Variants in EPG5 observed in about 807,000 individuals in gnomAD.
The protein encoded by EPG5 is ectopic P granules protein 5 homolog.
A neutral mutation model predicts 302.7 loss-of-function variants in EPG5; 159 were observed. The ratio of observed to expected loss-of-function variants is 0.53; its 90% CI spans 0.46 to 0.60. The LOEUF is 0.60. Ranked by LOEUF, EPG5 falls within the 20% of genes least tolerant of loss-of-function variation. EPG5 has a pLI of 0.00. For missense variants in EPG5, 2,896 were observed against 3,092.4 expected (o/e 0.94, Z 1.51); for synonymous variants, 1,158 against 1,136.8 (o/e 1.02, Z -0.37).
intron 15 of EPG5, 71 bp downstream of exon 15, chr18:45,923,194 GTCT>G: frequency 6.6e-7 from 1 of 1,518,848 alleles, no homozygotes; most frequent in Non-Finnish European, 9.0e-7. Flanking sequence ...AATAGTATAA[GTCT>G]ATCATCTTTA....
At chr18:45,876,200 T>C (rs1269454214) in intron 35 of EPG5, 36 bp downstream of exon 35, 12 of 1,458,880 alleles carry the variant, frequency 8.2e-6, no homozygotes, top group Non-Finnish European at 1.1e-5. Context: ...TAGGGAAAAA[T>C]GAAAACTAAG....
intron 26 of EPG5, 114 bp downstream of exon 26, chr18:45,900,882 C>A: frequency 8.2e-7 from 1 of 1,224,690 alleles, no homozygotes; most frequent in South Asian, 1.6e-5. Context: ...CCAGGTTGGT[C>A]AAACTATCCT....
intron 22 of EPG5, among the ~76,000 whole-genome samples, chr18:45,911,574 G>C (rs867866261): frequency 2.6e-5 from 4 of 152,024 alleles, no homozygotes; most frequent in African/African-American, 9.7e-5. Flanking sequence ...TTACAGGCGT[G>C]AGCCACCGCG....
intron 1 of EPG5, among the ~76,000 whole-genome samples, chr18:45,959,475 T>C (rs2143855242): frequency 6.6e-6 from 1 of 150,526 alleles, no homozygotes; most frequent in Non-Finnish European, 1.5e-5. Context: ...TGAAACCCCG[T>C]CTCTACTAAA....
the EPG5 span, chr18:45,837,979 C>A: frequency 7.2e-7 from 1 of 1,388,032 alleles, no homozygotes; most frequent in Non-Finnish European, 9.3e-7. Flanking sequence ...GGGTGCCAGG[C>A]GCTGTGCTGA....
chr18:45,866,823 A>C lies in EPG5; in HGVS notation c.6596T>G (p.Ile2199Ser), dbSNP rs770089846. Residue 2199 changes from isoleucine (I) to serine (S), a missense_variant, in exon 38 of 44, where the codon ATT (isoleucine) becomes AGT (serine). Ile to Ser is a moderately radical substitution (Grantham distance 142, BLOSUM62 -2). Around this residue, in one of 5 missense-constraint regions of EPG5, gnomAD observed 620 missense variants for 704.2 expected, o/e 0.88. Coordinates refer to ENST00000282041, the MANE Select transcript of EPG5 (RefSeq NM_020964.3). ...AAGATGCTTCTGGCTGTCAGTAGGA[A>C]TAGAAAGGCCCGCAGACACTTTTAG... ...KLLKVSAGLS[I>S]PTDSQKHLDA... 2 of 1,614,084 alleles carry C rather than the reference A, an allele frequency of 1.2e-6. No individual in the cohort carries two copies. Among genetic ancestry groups the C allele is most frequent in the Non-Finnish European group, 1.7e-6 (2 of 1,179,946 alleles).
chr18:45,813,939 T>G, the EPG5 span, among the ~76,000 whole-genome samples: 297 of 151,898 alleles, frequency 2.0e-3, 1 homozygote, highest in Non-Finnish European at 3.5e-3. Flanking sequence ...AAAAATAAAA[T>G]TATCCAATAA....
At chr18:45,954,111 G>A (rs771948594) in intron 2 of EPG5, 2 of 199,340 alleles carry the variant, frequency 1.0e-5, no homozygotes, top group Non-Finnish European at 1.8e-5. Context: ...TGGCAATGCT[G>A]AACCATCACA....
chr18:45,903,988 T>TAAAA lies in EPG5; in HGVS notation c.4458_4459insTTTT (p.Thr1487PhefsTer3). 6.2e-7 allele frequency: 1 copy of TAAAA among 1,610,116 alleles called. No individual in the cohort carries two copies. Among genetic ancestry groups the TAAAA allele is most frequent in the Non-Finnish European group, 8.5e-7 (1 of 1,179,292 alleles). On this transcript the variant is annotated frameshift_variant, in exon 25 of 44. Transcript: ENST00000282041. LOFTEE classifies it high-confidence loss of function. ...CAGGACCCACCCAGCAAAGGATCAG[T>TAAAA]GAAGTCCAGCTGCACGGACAAACTG...
At chr18:45,930,541 T>G (rs992246038) in intron 12 of EPG5, 135 bp downstream of exon 12, 1 of 597,718 alleles carries the variant, frequency 1.7e-6, no homozygotes, top group Non-Finnish European at 2.8e-6. Context: ...TTCCACTGAT[T>G]CTCTATCCCT....
chr18:45,883,465 T>TC (rs1473249212), intron 30 of EPG5, among the ~76,000 whole-genome samples: 1 of 150,318 alleles, frequency 6.7e-6, no homozygotes, highest in Non-Finnish European at 1.5e-5. Context: ...GGTTGTCTTT[T>TC]TTTTTTTTTT....
the EPG5 span, among the ~76,000 whole-genome samples, chr18:45,807,323 C>T: frequency 3.3e-5 from 5 of 152,200 alleles, no homozygotes; most frequent in African/African-American, 1.2e-4. Context: ...AGGGCATATA[C>T]TCTTGGGAGT....
intron 32 of EPG5, 65 bp downstream of exon 32, chr18:45,880,010 A>C (rs2049056288): frequency 6.8e-7 from 1 of 1,470,150 alleles, no homozygotes; most frequent in Non-Finnish European, 9.1e-7. Context: ...CAACTGCTTA[A>C]AAAATGAATA....
At chr18:45,916,238 A>G (rs745481008) in intron 18 of EPG5, 32 bp from the exon 19 acceptor site, 5 of 1,582,608 alleles carry the variant, frequency 3.2e-6, no homozygotes, top group Non-Finnish European at 4.3e-6. Context: ...GATGGGAAAG[A>G]TAACAACCAG....
At chr18:45,807,030 G>C in the EPG5 span, among the ~76,000 whole-genome samples, 41 of 152,308 alleles carry the variant, frequency 2.7e-4, 1 homozygote, top group South Asian at 3.7e-3. Flanking sequence ...TGGCAGGCGG[G>C]GGGCAGGGGG....
intron 27 of EPG5, among the ~76,000 whole-genome samples, chr18:45,892,166 CTAAAA>C (rs2049366606): frequency 6.6e-6 from 1 of 152,168 alleles, no homozygotes; most frequent in African/African-American, 2.4e-5. Flanking sequence ...GTAGAAACTA[CTAAAA>C]TAAAACCAGG....
At chr18:45,865,540 C>T in intron 39 of EPG5, 75 bp downstream of exon 39, 2 of 1,492,364 alleles carry the variant, frequency 1.3e-6, no homozygotes, top group Non-Finnish European at 1.8e-6. Context: ...GAACATCCTC[C>T]TGATCTCACA....
chr18:45,904,197 T>C, intron 24 of EPG5, 80 bp from the exon 25 acceptor site: 9 of 1,502,274 alleles, frequency 6.0e-6, no homozygotes, highest in Non-Finnish European at 7.2e-6. Flanking sequence ...AACTATAAAG[T>C]GAACCAGTAA....
the EPG5 span, chr18:45,838,789 G>C: frequency 6.4e-7 from 1 of 1,564,274 alleles, no homozygotes; most frequent in South Asian, 1.2e-5. Flanking sequence ...CTGCACTGCC[G>C]AAGGGGAGCC....
Sources: gnomAD v4.1 joint callset for allele counts (sites outside exome capture counted in the v4.1 genomes callset) on GRCh38, gnomAD v4.1.1 for gene constraint, gnomAD v4.1.1 regional missense constraint, MANE v1.5 for transcripts, NCBI Gene and HGNC (gene_info 2026-07-23, HGNC 2026-07-21) for gene names.